BLOC1S3: variants seen among roughly 807,000 people sequenced by gnomAD.
BLOC1S3 encodes the protein biogenesis of lysosomal organelles complex 1 subunit 3.
A neutral mutation model predicts 9.1 loss-of-function variants in BLOC1S3; 7 were observed. The ratio of observed to expected loss-of-function variants is 0.77; its 90% CI spans 0.44 to 1.45. The LOEUF is 1.45. Ranked by LOEUF, BLOC1S3 falls within the 40% of genes most tolerant of loss-of-function variation. The pLI, the probability that BLOC1S3 is intolerant of heterozygous loss-of-function variation, is 0.01. For synonymous variants in BLOC1S3, 145 were observed against 158.4 expected, an observed-to-expected ratio of 0.92 and a Z score of 0.64; for missense variants, 307 against 315.2, an observed-to-expected ratio of 0.97 and a Z score of 0.20.
intron 2 of BLOC1S3, among the ~76,000 whole-genome samples, chr19:45,195,477 G>A (rs368128722): frequency 8.7e-4 from 133 of 152,210 alleles, no homozygotes; most frequent in African/African-American, 3.1e-3. Context: ...AAAGTGTTGG[G>A]ATTATAGGCA....
At position 45,180,030 on chromosome 19, in the gene BLOC1S3, G is replaced by C; in HGVS notation, c.*125G>C. ...CGCTCCCATCTTGGTGTCACCCATG[G>C]GGGCTAATCCGGTCCCCTTGGATAA... is the stretch of plus-strand genomic sequence containing the variant. On this transcript the variant is annotated 3_prime_UTR_variant, in exon 2 of 2. Transcript: ENST00000433642. 1.7e-6 allele frequency: 2 copies of C among 1,145,352 alleles called. No individual in the cohort carries two copies. Among genetic ancestry groups the C allele is most frequent in the South Asian group, 1.5e-5 (1 of 66,358 alleles). The allele number at this position is 1,145,352 out of a possible 1,614,324, so 70.9% of individuals were successfully genotyped here.
In BLOC1S3 at chr19:45,179,463, T is replaced by G; in HGVS notation, c.167T>G (p.Val56Gly). 6.6e-7 allele frequency: 1 copy of G among 1,524,790 alleles called. No individual in the cohort carries two copies. The highest frequency in any genetic ancestry group is 8.8e-7 in the Non-Finnish European group (1 of 1,142,206). 94.5% of individuals were successfully genotyped at this position (1,524,790 alleles called of 1,614,324 possible). A position where few individuals can be genotyped will look rare whatever the true frequency, so the allele number is the denominator to read the frequency against. The change falls in exon 2 of 2, where the codon GTG becomes GGG. Residue 56 changes from valine to glycine, a missense_variant. Coordinates refer to ENST00000433642, the MANE Select transcript of BLOC1S3 (RefSeq NM_212550.5). The surrounding 1 kb of genome is among the most constrained non-coding windows in gnomAD (Gnocchi z 4.6). ...PTRGRPTGLR[V>G]AGEAAETDSE... ...CGCGGCCGCCCCACGGGGCTGCGGG[T>G]GGCTGGGGAAGCCGCGGAGACCGAC...
At chr19:45,202,211 A>T (rs1219073955) in intron 2 of BLOC1S3, among the ~76,000 whole-genome samples, 1 of 8,370 alleles carries the variant, frequency 1.2e-4, no homozygotes, top group Non-Finnish European at 2.4e-4. Flanking sequence ...GACTCCATCT[A>T]AAAAAAAAAA....
intron 3 of BLOC1S3, chr19:45,212,976 G>A: frequency 1.5e-6 from 2 of 1,320,008 alleles, no homozygotes; most frequent in Non-Finnish European, 9.9e-7. Context: ...AGGGGTGTGT[G>A]GTCCCAGGCA....
At chr19:45,190,376 C>G (rs1407156530) in intron 2 of BLOC1S3, among the ~76,000 whole-genome samples, 2 of 149,938 alleles carry the variant, frequency 1.3e-5, no homozygotes, top group Non-Finnish European at 3.0e-5. Context: ...CTCTCTCTCT[C>G]CCCCACCCAT....
intron 2 of BLOC1S3, among the ~76,000 whole-genome samples, chr19:45,190,995 C>T (rs1222191642): frequency 2.7e-5 from 4 of 149,322 alleles, no homozygotes; most frequent in African/African-American, 9.8e-5. Context: ...TTAGTAGAGA[C>T]GGGGTTTCAC....
chr19:45,204,778 C>T (rs150455334), intron 3 of BLOC1S3, among the ~76,000 whole-genome samples: 5 of 151,888 alleles, frequency 3.3e-5, no homozygotes, highest in Non-Finnish European at 5.9e-5. Flanking sequence ...GCCACCAAGG[C>T]TAGAGTGCAG....
chr19:45,197,824 C>CAAAA (rs55654938), intron 2 of BLOC1S3, among the ~76,000 whole-genome samples: 6 of 63,598 alleles, frequency 9.4e-5, no homozygotes, highest in Admixed American at 2.1e-4. Context: ...GACTCCGTCT[C>CAAAA]AAAAAAAAAA....
At chr19:45,196,305 G>T (rs1969647776) in intron 2 of BLOC1S3, among the ~76,000 whole-genome samples, 1 of 152,160 alleles carries the variant, frequency 6.6e-6, no homozygotes, top group Non-Finnish European at 1.5e-5. Context: ...TTGAGCCCAG[G>T]AGATGGAGGT....
At chr19:45,202,829 T>G (rs1225844778) in intron 3 of BLOC1S3, among the ~76,000 whole-genome samples, 1 of 151,902 alleles carries the variant, frequency 6.6e-6, no homozygotes, top group Non-Finnish European at 1.5e-5. Context: ...CACTGATGTT[T>G]ATTCAAGGCC....
At chr19:45,215,164 C>T (rs1038830571) in intron 3 of BLOC1S3, among the ~76,000 whole-genome samples, 2 of 151,906 alleles carry the variant, frequency 1.3e-5, no homozygotes, top group African/African-American at 4.8e-5. Context: ...AAACAAACAA[C>T]AACAAAATAC....
At chr19:45,191,421 G>A (rs1046782750) in intron 2 of BLOC1S3, among the ~76,000 whole-genome samples, 4 of 152,102 alleles carry the variant, frequency 2.6e-5, no homozygotes, top group East Asian at 1.9e-4. Context: ...GTGCCCGGCC[G>A]GCTTTATTTA....
At chr19:45,181,917 T>C (rs921347708), downstream of BLOC1S3, 4 of 161,310 alleles carry the variant, frequency 2.5e-5, no homozygotes, top group Non-Finnish European at 4.4e-5. Flanking sequence ...GAAGCTGTAG[T>C]TGGGAAATCA....
chr19:45,206,449 A>AGTTTTTTTTTTTTTTTTT, intron 3 of BLOC1S3, among the ~76,000 whole-genome samples: 1 of 48,624 alleles, frequency 2.1e-5, no homozygotes, highest in Non-Finnish European at 3.8e-5. Flanking sequence ...GGATTAATCA[A>AGTTTTTTTTTTTTTTTTT]GTTTTTTTTT....
chr19:45,206,707 C>T (rs1372324554), intron 3 of BLOC1S3, among the ~76,000 whole-genome samples: 3 of 150,788 alleles, frequency 2.0e-5, no homozygotes, highest in East Asian at 1.9e-4. Flanking sequence ...TGATTCCTCC[C>T]GCCTTGGCCT....
intron 3 of BLOC1S3, chr19:45,213,297 C>T (rs770174254): frequency 6.2e-7 from 1 of 1,613,880 alleles, no homozygotes; most frequent in African/African-American, 1.3e-5. Flanking sequence ...CCAGGATCTC[C>T]TGGCGGGCGG....
At chr19:45,204,986 G>T (rs534449099) in intron 3 of BLOC1S3, among the ~76,000 whole-genome samples, 1 of 151,848 alleles carries the variant, frequency 6.6e-6, no homozygotes, top group East Asian at 1.9e-4. Context: ...CCCCCACCTT[G>T]GCCTCCCAAA....
chr19:45,193,130 CTCAAAAAAAAAAAA>C (rs1419471851), intron 2 of BLOC1S3, among the ~76,000 whole-genome samples: 2 of 40,684 alleles, frequency 4.9e-5, no homozygotes, highest in African/African-American at 1.6e-4. Context: ...AAAACTCCGT[CTCAAAAAAAAAAAA>C]AAAAAAAAAA....
At chr19:45,207,436 C>T (rs1418786912) in intron 3 of BLOC1S3, among the ~76,000 whole-genome samples, 1 of 151,832 alleles carries the variant, frequency 6.6e-6, no homozygotes, top group East Asian at 1.9e-4. Context: ...CCTCACCTGC[C>T]TTGTTTTTTT....
Sources: allele counts gnomAD v4.1 joint callset (sites outside exome capture counted in the v4.1 genomes callset), GRCh38; gene constraint gnomAD v4.1.1; non-coding constraint Gnocchi (gnomAD v3.1); transcripts MANE v1.5; gene names NCBI Gene and HGNC (gene_info 2026-07-23, HGNC 2026-07-21).